The following ELMO1 variants were observed in gnomAD, a reference collection of about 807,000 sequenced individuals.
The protein encoded by ELMO1 is engulfment and cell motility protein 1.
In ELMO1, 26 loss-of-function variants were observed where a neutral mutation model predicts 98.9. The observed-to-expected ratio is 0.26, with a 90% CI of 0.19 to 0.36. The LOEUF (loss-of-function observed/expected upper bound fraction) is 0.36. Among genes scored for constraint, ELMO1 ranks in the 10% least tolerant of loss-of-function variants. The probability of loss-of-function intolerance (pLI) is 1.00; values close to 1 mark genes in which losing one functional copy is unlikely to be tolerated. For synonymous variants in ELMO1, 346 were observed against 346.0 expected (o/e 1.00, Z 0.00); for missense variants, 627 against 935.2 (o/e 0.67, Z 4.30).
In ELMO1 at chr7:37,380,944, A is replaced by G. The variant is rs564285801; in HGVS notation, c.-73-38181T>C. ...TACCACTCTTAGGGCCATTTTAAAA[A>G]GCTAAATCACCAACAGAAAGCACAA... is the stretch of plus-strand genomic sequence containing the variant. On this transcript the variant is annotated intron_variant, in intron 1 of 21. Transcript: ENST00000310758. 1.2e-4 allele frequency among the ~76,000 whole-genome samples: 19 copies of G among 152,350 alleles called. No homozygotes were observed. The South Asian group carries it at 2.3e-3, about 18-fold the overall frequency.
chr7:37,254,592 G>A (rs1795541005), intron 6 of ELMO1, among the ~76,000 whole-genome samples: 2 of 152,122 alleles, frequency 1.3e-5, no homozygotes, highest in Non-Finnish European at 2.9e-5. Context: ...AGTAGTGTAC[G>A]CAATGGTAAC....
chr7:37,294,847 A>C lies in ELMO1; in HGVS notation c.192+20003T>G, dbSNP rs539007830. On this transcript the variant is annotated intron_variant, in intron 4 of 21. Coordinates refer to ENST00000310758, the MANE Select transcript of ELMO1 (RefSeq NM_014800.11). ...AAACCCCTTCTCTACTACAAATACA[A>C]AAATTAGCTGGGTGTGGTGGCAGGC... Among the ~76,000 whole-genome samples, 97 of 152,150 alleles carry C rather than the reference A, an allele frequency of 6.4e-4. 1 individual carries two copies. The highest frequency in any genetic ancestry group is 1.3e-3 in the Non-Finnish European group (87 of 67,998).
intron 1 of ELMO1, among the ~76,000 whole-genome samples, chr7:37,405,957 T>TG (rs1425245334): frequency 6.6e-6 from 1 of 152,164 alleles, no homozygotes; most frequent in Non-Finnish European, 1.5e-5. Flanking sequence ...TGTCAACACT[T>TG]GCTTCCCTTA....
At chr7:37,340,900 T>C (rs1005765664) in intron 2 of ELMO1, among the ~76,000 whole-genome samples, 2 of 152,124 alleles carry the variant, frequency 1.3e-5, no homozygotes, top group African/African-American at 2.4e-5. Flanking sequence ...CAAAATTAAA[T>C]AGTTTACCAG....
chr7:37,053,450 T>C (rs536942819), intron 15 of ELMO1, among the ~76,000 whole-genome samples: 8 of 152,336 alleles, frequency 5.3e-5, no homozygotes, highest in Admixed American at 5.2e-4. Context: ...TGATGATTAT[T>C]GAAATACTTG....
chr7:37,312,926 T>G (rs1348438763), intron 4 of ELMO1, among the ~76,000 whole-genome samples: 1 of 152,222 alleles, frequency 6.6e-6, no homozygotes, highest in Non-Finnish European at 1.5e-5. Context: ...GTTCCAGTGT[T>G]TAATGCTCTG....
At position 37,013,413 on chromosome 7, in the gene ELMO1, G is replaced by A. The variant is rs151233398; in HGVS notation, c.1323C>T (p.Phe441=). The change falls in exon 16 of 22, where the codon TTC becomes TTT. Residue 441 remains phenylalanine, a synonymous_variant. Transcript: ENST00000310758. ...GELPSETCND[F]HPMFFTHDRS... The stretch of plus-strand genomic sequence containing the variant: ...TGTCGTGGGTGAAGAACATCGGGTG[G>A]AAGTCGTTGCAGGTCTCACTAGCTG... 396 of 1,613,938 alleles carry A rather than the reference G, an allele frequency of 2.5e-4. No homozygotes were observed. The highest frequency in any genetic ancestry group is 3.0e-4 in the Non-Finnish European group (356 of 1,179,986).
intron 15 of ELMO1, among the ~76,000 whole-genome samples, chr7:37,067,588 A>G (rs1797052688): frequency 6.6e-6 from 1 of 152,240 alleles, no homozygotes; most frequent in Non-Finnish European, 1.5e-5. Context: ...AGATGTCGAG[A>G]GAGATAATTT....
intron 1 of ELMO1, among the ~76,000 whole-genome samples, chr7:37,428,848 G>A (rs1030011422): frequency 1.3e-5 from 2 of 152,228 alleles, no homozygotes; most frequent in Admixed American, 6.5e-5. Flanking sequence ...TCATCAAAAT[G>A]TGTTTAAATT....
intron 16 of ELMO1, among the ~76,000 whole-genome samples, chr7:36,988,612 G>C (rs563627046): frequency 6.6e-6 from 1 of 152,122 alleles, no homozygotes; most frequent in Non-Finnish European, 1.5e-5. Flanking sequence ...AGTGAGATCA[G>C]GAAAAGCATT....
chr7:36,983,577 G>A (rs1180625806), intron 16 of ELMO1, among the ~76,000 whole-genome samples: 3 of 152,064 alleles, frequency 2.0e-5, no homozygotes, highest in Admixed American at 6.6e-5. Context: ...TTAATATTTT[G>A]GCGACTAAAT....
At chr7:36,959,223 T>A (rs1244756488) in intron 16 of ELMO1, among the ~76,000 whole-genome samples, 3 of 152,066 alleles carry the variant, frequency 2.0e-5, no homozygotes, top group African/African-American at 7.2e-5. Flanking sequence ...CTACGCCACA[T>A]CTGCCCTTGC....
chr7:37,347,487 ATACTATTCTTACGG>A (rs1801061888), intron 1 of ELMO1, among the ~76,000 whole-genome samples: 1 of 149,504 alleles, frequency 6.7e-6, no homozygotes, highest in Admixed American at 6.7e-5. Context: ...GTTTTCCCCC[ATACTATTCTTACGG>A]TACTATTCTT....
chr7:37,004,156 C>T (rs548942816), intron 16 of ELMO1, among the ~76,000 whole-genome samples: 3 of 152,258 alleles, frequency 2.0e-5, no homozygotes, highest in South Asian at 2.1e-4. Flanking sequence ...TTCCTATCTG[C>T]CCTTTAATTT....
At chr7:37,206,014 A>G (rs1299362183) in intron 13 of ELMO1, among the ~76,000 whole-genome samples, 1 of 152,056 alleles carries the variant, frequency 6.6e-6, no homozygotes, top group Non-Finnish European at 1.5e-5. Flanking sequence ...GTGTTCTTTC[A>G]CCTTTAACTG....
At chr7:37,132,512 C>T (rs1300206070) in intron 14 of ELMO1, among the ~76,000 whole-genome samples, 1 of 152,154 alleles carries the variant, frequency 6.6e-6, no homozygotes, top group Non-Finnish European at 1.5e-5. Flanking sequence ...GAGCCTTCTC[C>T]ACCACTGTCG....
chr7:36,967,065 A>G (rs1789497659), intron 16 of ELMO1, among the ~76,000 whole-genome samples: 1 of 152,230 alleles, frequency 6.6e-6, no homozygotes, highest in Admixed American at 6.5e-5. Flanking sequence ...TAGTCTTTTC[A>G]CAAGTGTTCA....
At chr7:37,287,998 T>C (rs977310139) in intron 4 of ELMO1, among the ~76,000 whole-genome samples, 4 of 152,220 alleles carry the variant, frequency 2.6e-5, no homozygotes, top group African/African-American at 4.8e-5. Flanking sequence ...TCTCACTCTG[T>C]TGCCCAGGCT....
intron 16 of ELMO1, among the ~76,000 whole-genome samples, chr7:36,922,914 T>A (rs933950670): frequency 2.6e-5 from 4 of 152,124 alleles, no homozygotes; most frequent in African/African-American, 9.7e-5. Context: ...TTCTTAAAGG[T>A]GACGATGAGT....
Sources: allele counts gnomAD v4.1 joint callset (sites outside exome capture counted in the v4.1 genomes callset), GRCh38; gene constraint gnomAD v4.1.1; transcripts MANE v1.5; gene names NCBI Gene and HGNC (gene_info 2026-07-23, HGNC 2026-07-21).